The following SNRK variants were observed in gnomAD, a reference collection of about 807,000 sequenced individuals.
The protein encoded by SNRK is SNF related kinase.
SNRK carries 3 observed loss-of-function variants against 48.2 expected under a neutral mutation model. The observed-to-expected ratio is 0.06, with a 90% CI of 0.03 to 0.16. The LOEUF (loss-of-function observed/expected upper bound fraction) is 0.16. Among genes scored for constraint, SNRK ranks in the 10% least tolerant of loss-of-function variants. The pLI is 1.00. For synonymous variants in SNRK, 376 were observed against 366.1 expected (o/e 1.03, Z -0.31); for missense variants, 627 against 976.0 (o/e 0.64, Z 4.76).
At chr3:43,308,908 G>T (rs567559476) in intron 3 of SNRK, among the ~76,000 whole-genome samples, 1 of 152,300 alleles carries the variant, frequency 6.6e-6, no homozygotes, top group Admixed American at 6.5e-5. Context: ...GCACCATTAA[G>T]TACATTTGTG....
At chr3:43,323,337 A>G (rs2091069988) in intron 3 of SNRK, among the ~76,000 whole-genome samples, 1 of 152,250 alleles carries the variant, frequency 6.6e-6, no homozygotes, top group South Asian at 2.1e-4. Context: ...AATTCACCAG[A>G]AAAGACATAA....
chr3:43,296,599 C>T (rs2090857857), intron 1 of SNRK, among the ~76,000 whole-genome samples: 1 of 151,900 alleles, frequency 6.6e-6, no homozygotes, highest in Admixed American at 6.6e-5. Context: ...CTTTCTCATG[C>T]CATGGATTGG....
At chr3:43,331,064 G>A (rs994782043) in intron 3 of SNRK, among the ~76,000 whole-genome samples, 2 of 152,210 alleles carry the variant, frequency 1.3e-5, no homozygotes, top group Non-Finnish European at 2.9e-5. Context: ...TATTTTGGGT[G>A]TTTTAAGTTT....
intron 3 of SNRK, among the ~76,000 whole-genome samples, chr3:43,312,515 AACCCT>A (rs2090985923): frequency 6.6e-6 from 1 of 152,174 alleles, no homozygotes; most frequent in Non-Finnish European, 1.5e-5. Flanking sequence ...AATCTACAAA[AACCCT>A]ACAGATAACA....
At chr3:43,320,359 G>A (rs1307023812) in intron 3 of SNRK, among the ~76,000 whole-genome samples, 3 of 152,108 alleles carry the variant, frequency 2.0e-5, no homozygotes, top group East Asian at 1.9e-4. Context: ...AACAGAGTTC[G>A]TATGCGTCAA....
chr3:43,307,058 C>T (rs955128712), intron 3 of SNRK, among the ~76,000 whole-genome samples: 6 of 152,032 alleles, frequency 3.9e-5, no homozygotes, highest in African/African-American at 1.4e-4. Flanking sequence ...CATTATGCAC[C>T]TTGTTCCTTT....
intron 5 of SNRK, 98 bp downstream of exon 5, chr3:43,340,597 TAAGAG>T: frequency 9.6e-7 from 1 of 1,038,890 alleles, no homozygotes; most frequent in Non-Finnish European, 1.4e-6. Context: ...GTGTAATAGA[TAAGAG>T]TTCCCAGTTG....
At chr3:43,307,697 C>T (rs1321453882) in intron 3 of SNRK, among the ~76,000 whole-genome samples, 1 of 152,128 alleles carries the variant, frequency 6.6e-6, no homozygotes, top group Non-Finnish European at 1.5e-5. Flanking sequence ...CTCTCTCTCT[C>T]TCTGTCTCTC....
chr3:43,348,596 G>T lies in SNRK; in HGVS notation c.*39G>T. On this transcript the variant is annotated 3_prime_UTR_variant, in exon 7 of 7. Transcript: ENST00000296088. The stretch of plus-strand genomic sequence containing the variant: ...TGGCCGCTAGCACGCTTCCTGCTCA[G>T]AGCAGTGAAGACCGGCTCACTTCAC... The T allele has an allele frequency of 1.3e-5, 19 of 1,487,370 alleles. No homozygotes were observed. Among genetic ancestry groups the T allele is most frequent in the Non-Finnish European group, 1.7e-5 (19 of 1,123,318 alleles). 92.1% of individuals were successfully genotyped at this position (1,487,370 alleles called of 1,614,324 possible).
intron 3 of SNRK, among the ~76,000 whole-genome samples, chr3:43,329,718 T>G (rs887586145): frequency 6.6e-5 from 10 of 152,204 alleles, no homozygotes; most frequent in Non-Finnish European, 1.5e-4. Flanking sequence ...TTTCTTCTTT[T>G]TTATTATTCT....
At chr3:43,293,121 T>C in intron 1 of SNRK, among the ~76,000 whole-genome samples, 1 of 152,208 alleles carries the variant, frequency 6.6e-6, no homozygotes, top group Non-Finnish European at 1.5e-5. Context: ...TCTTCTTTTT[T>C]TGAGACAGGC....
intron 1 of SNRK, among the ~76,000 whole-genome samples, chr3:43,296,436 A>ATATG (rs1553632604): frequency 1.6e-4 from 23 of 145,452 alleles, no homozygotes; most frequent in Admixed American, 5.5e-4. Flanking sequence ...ATATATATGT[A>ATATG]TATATATATA....
At chr3:43,343,003 TACAA>T (rs1244302117) in intron 5 of SNRK, among the ~76,000 whole-genome samples, 1 of 152,132 alleles carries the variant, frequency 6.6e-6, no homozygotes, top group African/African-American at 2.4e-5. Context: ...CCTGAACAAA[TACAA>T]ACACTGTACA....
Position 43,316,900 on chromosome 3 carries a change from G to A in SNRK, c.589+13108G>A, listed in dbSNP as rs138317517. Among the ~76,000 whole-genome samples the A allele has an allele frequency of 1.9e-3, 288 of 152,134 alleles. 1 individual carries two copies. The highest frequency in any genetic ancestry group is 6.6e-3 in the African/African-American group (274 of 41,490). ...GCTTCTGATTAGTGCCCCTGGTCCT[G>A]TGCAGGTCAGATTACCACACCGCCT... On this transcript the variant is annotated intron_variant, in intron 3 of 6. Coordinates refer to ENST00000296088, the MANE Select transcript of SNRK (RefSeq NM_017719.5).
Position 43,320,472 on chromosome 3 carries a change from T to A in SNRK, c.590-11697T>A, listed in dbSNP as rs548728967. On this transcript the variant is annotated intron_variant, in intron 3 of 6. Coordinates refer to ENST00000296088, the MANE Select transcript of SNRK (RefSeq NM_017719.5). ...AAGCCCCTGAGATGGTGTGACTGATTCATCACCACGTTCCAGGTTGTGATT... is the reference window on the plus strand; with the variant it reads ...AAGCCCCTGAGATGGTGTGACTGATACATCACCACGTTCCAGGTTGTGATT... Among the ~76,000 whole-genome samples, 14 of 152,298 alleles carry A rather than the reference T, an allele frequency of 9.2e-5. No homozygotes were observed. In the South Asian group the frequency reaches 2.7e-3, roughly 29 times the overall value.
At chr3:43,330,083 G>A (rs891769718) in intron 3 of SNRK, among the ~76,000 whole-genome samples, 5 of 152,124 alleles carry the variant, frequency 3.3e-5, no homozygotes, top group African/African-American at 1.2e-4. Context: ...GGACTTATAT[G>A]GAAAGATATG....
chr3:43,322,030 A>T (rs2091057614), intron 3 of SNRK, among the ~76,000 whole-genome samples: 1 of 152,270 alleles, frequency 6.6e-6, no homozygotes, highest in South Asian at 2.1e-4. Flanking sequence ...GCTGCCGCAC[A>T]TTTGTTGAAT....
At chr3:43,328,675 C>G (rs2091121339) in intron 3 of SNRK, among the ~76,000 whole-genome samples, 1 of 152,204 alleles carries the variant, frequency 6.6e-6, no homozygotes, top group African/African-American at 2.4e-5. Flanking sequence ...CCTGAATCAT[C>G]ACCTTTTTTT....
chr3:43,297,393 A>G (rs2090863967), intron 1 of SNRK, among the ~76,000 whole-genome samples: 2 of 152,122 alleles, frequency 1.3e-5, no homozygotes, highest in African/African-American at 2.4e-5. Flanking sequence ...TTTTGGAGAG[A>G]AGTATTGTGA....
Sources: allele counts gnomAD v4.1 joint callset (sites outside exome capture counted in the v4.1 genomes callset), GRCh38; gene constraint gnomAD v4.1.1; transcripts MANE v1.5; gene names NCBI Gene and HGNC (gene_info 2026-07-23, HGNC 2026-07-21).